CENPU: variants seen among roughly 807,000 people sequenced by gnomAD.
CENPU encodes centromere protein U.
CENPU carries 46 observed loss-of-function variants against 56.7 expected under a neutral mutation model. The ratio of observed to expected loss-of-function variants is 0.81; its 90% CI spans 0.64 to 1.04. The LOEUF is 1.04. CENPU is among the 50% of genes least tolerant of loss of function. The pLI, the probability that CENPU is intolerant of heterozygous loss-of-function variation, is 0.00. For synonymous variants in CENPU, 166 were observed against 163.0 expected (o/e 1.02, Z -0.14); for missense variants, 510 against 490.1 (o/e 1.04, Z -0.38).
chr4:184,719,109 C>A (rs936376490), intron 4 of CENPU, among the ~76,000 whole-genome samples: 4 of 152,138 alleles, frequency 2.6e-5, no homozygotes, highest in African/African-American at 9.7e-5. Context: ...GATGGCTGAA[C>A]AGAGGGCTCC....
rs4437300 is a variant in CENPU at position 184,722,099 on chromosome 4, T to C, written c.320+2858A>G. On this transcript the variant is annotated intron_variant, in intron 4 of 12. Coordinates refer to ENST00000281453, the MANE Select transcript of CENPU (RefSeq NM_024629.4). ...ATAACAGGAGGAATTTTGGAAGTTATACAAACACAGAGAGATAAAACAACA... is the reference window on the plus strand; with the variant it reads ...ATAACAGGAGGAATTTTGGAAGTTACACAAACACAGAGAGATAAAACAACA... Among the ~76,000 whole-genome samples, 1,104 of 152,230 alleles carry C rather than the reference T, an allele frequency of 7.3e-3. 15 individuals are homozygous for C. Among genetic ancestry groups the C allele is most frequent in the African/African-American group, 0.025 (1,047 of 41,524 alleles).
At chr4:184,719,432 C>A (rs1761199577) in intron 4 of CENPU, among the ~76,000 whole-genome samples, 1 of 152,180 alleles carries the variant, frequency 6.6e-6, no homozygotes, top group African/African-American at 2.4e-5. Context: ...TAAACTGATG[C>A]CCACACACAG....
At chr4:184,697,177 C>T (rs541890130) in intron 12 of CENPU, among the ~76,000 whole-genome samples, 6 of 152,228 alleles carry the variant, frequency 3.9e-5, no homozygotes, top group African/African-American at 9.6e-5. Context: ...CTATCACACC[C>T]GGCCTGTTTC....
At chr4:184,701,239 C>T (rs988632097) in intron 10 of CENPU, among the ~76,000 whole-genome samples, 7 of 152,114 alleles carry the variant, frequency 4.6e-5, no homozygotes, top group African/African-American at 1.4e-4. Context: ...GTGATCCACT[C>T]TGTATTTTAA....
At position 184,694,251 on chromosome 4, in the gene CENPU, C is replaced by G. The variant is rs530241220; in HGVS notation, c.*1037G>C. 9 of 1,147,500 alleles carry G rather than the reference C, an allele frequency of 7.8e-6. No individual in the cohort carries two copies. In the East Asian group the frequency reaches 2.5e-4, roughly 32 times the overall value. 71.1% of individuals were successfully genotyped at this position (1,147,500 alleles called of 1,614,324 possible). ...TTAAAAAATTAAATCCACCCTTGCT[C>G]TTCCGTCGGGGAGTATTGAAAAGTA... is the stretch of plus-strand genomic sequence containing the variant. On this transcript the variant is annotated 3_prime_UTR_variant, in exon 13 of 13. Transcript: ENST00000281453.
chr4:184,724,960 CT>C lies in CENPU; in HGVS notation c.316del (p.Arg106GlufsTer16), dbSNP rs747587077. 2 of 1,599,394 alleles carry C rather than the reference CT, an allele frequency of 1.3e-6. No homozygotes were observed. Among genetic ancestry groups the C allele is most frequent in the Non-Finnish European group, 1.7e-6 (2 of 1,169,406 alleles). On this transcript the variant is annotated frameshift_variant, in exon 4 of 13. Coordinates refer to ENST00000281453, the MANE Select transcript of CENPU (RefSeq NM_024629.4). LOFTEE classifies it high-confidence loss of function. ...SSTPPGKEAK[R>X]SSDTSGNEAS... Reference sequence around the variant, plus strand: ...ATTGCTTGAAATACACCAGTACCTTCTTTTTGCTTCTTTTCCTGGAGGAGTT... The same window carrying C: ...ATTGCTTGAAATACACCAGTACCTTCTTTTGCTTCTTTTCCTGGAGGAGTT...
At chr4:184,726,446 A>T (rs1374893886) in intron 3 of CENPU, among the ~76,000 whole-genome samples, 2 of 152,216 alleles carry the variant, frequency 1.3e-5, no homozygotes, top group East Asian at 3.8e-4. Context: ...GGAAATACAA[A>T]TCAAAACCAC....
At chr4:184,716,737 C>T (rs570160167) in intron 5 of CENPU, 104 bp from the exon 6 acceptor site, 6 of 882,704 alleles carry the variant, frequency 6.8e-6, no homozygotes, top group African/African-American at 6.7e-5. Context: ...TTTCTCACTT[C>T]TACACTTCAA....
chr4:184,711,846 G>C (rs946691689), intron 7 of CENPU, among the ~76,000 whole-genome samples: 1 of 152,096 alleles, frequency 6.6e-6, no homozygotes, highest in Admixed American at 6.6e-5. Flanking sequence ...TCACTGGCTG[G>C]GTGCGGTGGC....
In CENPU at chr4:184,702,454, TA is replaced by T. The variant is rs754785537; in HGVS notation, c.798-14del. 82 of 1,585,480 alleles carry T rather than the reference TA, an allele frequency of 5.2e-5. No homozygotes were observed. The highest frequency in any genetic ancestry group is 9.2e-5 in the Admixed American group (5 of 54,408). ...TTCTATTCTTTGTCTGTAGAGGAAT[TA>T]AAAAAAAGTCTAAGTACCATGATGG... On this transcript the variant is annotated splice_polypyrimidine_tract_variant and intron_variant, in intron 8 of 12. Coordinates refer to ENST00000281453, the MANE Select transcript of CENPU (RefSeq NM_024629.4).
chr4:184,724,816 G>A (rs1761399773), intron 4 of CENPU, 141 bp downstream of exon 4: 1 of 544,010 alleles, frequency 1.8e-6, no homozygotes, highest in African/African-American at 1.9e-5. Flanking sequence ...AAGTTTTTAT[G>A]CCTCAGTTCT....
intron 1 of CENPU, chr4:184,733,418 G>C (rs974022993): frequency 4.0e-6 from 4 of 992,282 alleles, no homozygotes; most frequent in Admixed American, 1.1e-4. Context: ...GATCCAGGCC[G>C]GGCCTTGGAT....
In CENPU at chr4:184,716,427, T is replaced by A. The variant is rs765325619; in HGVS notation, c.588A>T (p.Glu196Asp). Residue 196 changes from glutamate (E) to aspartate (D), a missense_variant, in exon 6 of 13, where the codon GAA (glutamate) becomes GAT (aspartate). Coordinates refer to ENST00000281453, the MANE Select transcript of CENPU (RefSeq NM_024629.4). ...GACTTTCTATTGCCAAGTTCTCTTT[T>A]TCAACAGAGGGCTGGGCACTAAGGG... Reference protein sequence around the residue: ...TGPLSAQPSVEKENLAIESQS... With the variant: ...TGPLSAQPSVDKENLAIESQS... The A allele has an allele frequency of 6.2e-7, 1 of 1,614,124 alleles. No homozygotes were observed. Among genetic ancestry groups the A allele is most frequent in the Non-Finnish European group, 8.5e-7 (1 of 1,180,006 alleles).
intron 4 of CENPU, among the ~76,000 whole-genome samples, chr4:184,721,478 A>C (rs1761274641): frequency 1.4e-5 from 2 of 144,284 alleles, no homozygotes; most frequent in African/African-American, 5.2e-5. Context: ...AAAAAAAAAA[A>C]GGACCCAATG....
intron 2 of CENPU, among the ~76,000 whole-genome samples, chr4:184,729,327 G>A (rs1446812884): frequency 6.6e-6 from 1 of 152,166 alleles, no homozygotes; most frequent in Non-Finnish European, 1.5e-5. Context: ...CCTAAGGCAT[G>A]GATTGGCAAA....
At chr4:184,733,934 C>T in intron 1 of CENPU, 82 bp downstream of exon 1, 1 of 1,584,714 alleles carries the variant, frequency 6.3e-7, no homozygotes, top group Non-Finnish European at 8.7e-7. Flanking sequence ...CCAACAGCGC[C>T]GGGAGGCGCA....
chr4:184,716,484 T>A lies in CENPU; in HGVS notation c.531A>T (p.Pro177=), dbSNP rs200507260. 1 of 1,614,066 alleles carries A rather than the reference T, an allele frequency of 6.2e-7. No homozygotes were observed. Among genetic ancestry groups the A allele is most frequent in the Non-Finnish European group, 8.5e-7 (1 of 1,180,038 alleles). ...TCTTTTTAGAAGTGACAGACTCAGC[T>A]GGTTTCTCTGAAAGTTCTGAAGACG... The part of the protein sequence containing the change: ...TTASSELSEK[P]AESVTSKKTG... Residue 177 remains proline (P), a synonymous_variant, in exon 6 of 13, where the codon CCA becomes CCT. Coordinates refer to ENST00000281453, the MANE Select transcript of CENPU (RefSeq NM_024629.4).
chr4:184,694,123 T>G lies in CENPU; in HGVS notation c.*1165A>C, dbSNP rs949758115. 7 of 625,122 alleles carry G rather than the reference T, an allele frequency of 1.1e-5. No individual in the cohort carries two copies. Among genetic ancestry groups the G allele is most frequent in the Non-Finnish European group, 1.4e-5 (7 of 501,236 alleles). 38.7% of individuals were successfully genotyped at this position (625,122 alleles called of 1,614,324 possible). On this transcript the variant is annotated 3_prime_UTR_variant, in exon 13 of 13. Transcript: ENST00000281453. ...TTTTAATCTTTTTTCAATCCATGTT[T>G]ACGATTTGCTAAATACTTTAAAATT...
chr4:184,717,779 GAGA>G (rs950694185), intron 4 of CENPU, among the ~76,000 whole-genome samples: 3 of 152,334 alleles, frequency 2.0e-5, no homozygotes, highest in African/African-American at 7.2e-5. Flanking sequence ...GCATCTGACA[GAGA>G]AGATGATGTG....
Sources: allele counts gnomAD v4.1 joint callset (sites outside exome capture counted in the v4.1 genomes callset), GRCh38; gene constraint gnomAD v4.1.1; transcripts MANE v1.5; gene names NCBI Gene and HGNC (gene_info 2026-07-23, HGNC 2026-07-21).